TNFRSF19: variants seen among roughly 807,000 people sequenced by gnomAD.
The protein encoded by TNFRSF19 is TNF receptor superfamily member 19.
In TNFRSF19, 27 loss-of-function variants were observed where a neutral mutation model predicts 46.4. The observed-to-expected ratio is 0.58, with a 90% CI of 0.43 to 0.80. TNFRSF19 has a LOEUF of 0.80. Ranked by LOEUF, TNFRSF19 falls within the 30% of genes least tolerant of loss-of-function variation. The pLI is 0.00. For missense variants in TNFRSF19, 511 were observed against 530.8 expected (o/e 0.96, Z 0.37); for synonymous variants, 204 against 205.0 (o/e 1.00, Z 0.04).
At chr13:23,641,904 A>G (rs1566205923) in intron 5 of TNFRSF19, among the ~76,000 whole-genome samples, 1 of 152,214 alleles carries the variant, frequency 6.6e-6, no homozygotes, top group Non-Finnish European at 1.5e-5. Context: ...CCTGCTTTAA[A>G]TGTGCTCAGT....
chr13:23,587,251 A>C (rs760148980), intron 1 of TNFRSF19, among the ~76,000 whole-genome samples: 2 of 152,202 alleles, frequency 1.3e-5, no homozygotes, highest in Non-Finnish European at 2.9e-5. Flanking sequence ...TAAACGCTTA[A>C]GCTATTTCAT....
intron 7 of TNFRSF19, 105 bp downstream of exon 7, chr13:23,660,595 TGA>T (rs1161345980): frequency 2.8e-5 from 38 of 1,335,870 alleles, no homozygotes; most frequent in South Asian, 3.3e-5. Context: ...GTGGCTGTGT[TGA>T]GTCTTCTGGT....
chr13:23,656,091 A>G (rs1873428831), intron 5 of TNFRSF19, among the ~76,000 whole-genome samples: 2 of 152,206 alleles, frequency 1.3e-5, no homozygotes, highest in African/African-American at 2.4e-5. Flanking sequence ...TTGGATCAAT[A>G]AGATGCCTGT....
intron 5 of TNFRSF19, among the ~76,000 whole-genome samples, chr13:23,642,753 C>T (rs559013100): frequency 6.6e-6 from 1 of 152,330 alleles, no homozygotes; most frequent in Admixed American, 6.5e-5. Context: ...AAGCAGAGTG[C>T]TTACATTTAT....
At chr13:23,637,349 G>A (rs1198032689) in intron 5 of TNFRSF19, among the ~76,000 whole-genome samples, 1 of 152,208 alleles carries the variant, frequency 6.6e-6, no homozygotes, top group African/African-American at 2.4e-5. Context: ...TTAATTTTCA[G>A]ACAAATTATT....
chr13:23,580,472 C>T (rs961064062), intron 1 of TNFRSF19, among the ~76,000 whole-genome samples: 1 of 152,188 alleles, frequency 6.6e-6, no homozygotes, highest in African/African-American at 2.4e-5. Flanking sequence ...AACGATATTT[C>T]TTAGTGTTGT....
At chr13:23,669,937 T>C (rs1420467240) in intron 9 of TNFRSF19, among the ~76,000 whole-genome samples, 1 of 152,084 alleles carries the variant, frequency 6.6e-6, no homozygotes, top group Admixed American at 6.6e-5. Context: ...ACAGTCCAGC[T>C]CCCAGGCCCA....
intron 5 of TNFRSF19, among the ~76,000 whole-genome samples, chr13:23,657,171 C>A: frequency 6.6e-6 from 1 of 152,120 alleles, no homozygotes; most frequent in Non-Finnish European, 1.5e-5. Flanking sequence ...TCCCAGATGG[C>A]AATAAGAGAC....
chr13:23,671,919 G>A (rs1440624978), intron 9 of TNFRSF19, among the ~76,000 whole-genome samples: 1 of 152,150 alleles, frequency 6.6e-6, no homozygotes, highest in Non-Finnish European at 1.5e-5. Flanking sequence ...AAAGCACAGG[G>A]CTTCTTGTTA....
At chr13:23,581,723 A>G (rs1175949133) in intron 1 of TNFRSF19, among the ~76,000 whole-genome samples, 1 of 152,308 alleles carries the variant, frequency 6.6e-6, no homozygotes, top group East Asian at 1.9e-4. Context: ...TAACATTCAT[A>G]AAAAGAATTT....
intron 3 of TNFRSF19, among the ~76,000 whole-genome samples, chr13:23,602,989 ATAAC>A (rs1340718296): frequency 5.3e-5 from 8 of 152,200 alleles, no homozygotes; most frequent in Non-Finnish European, 7.4e-5. Flanking sequence ...AATAAAATAA[ATAAC>A]TATTAAAGCA....
chr13:23,602,322 A>T (rs559789021), intron 3 of TNFRSF19, among the ~76,000 whole-genome samples: 3 of 151,710 alleles, frequency 2.0e-5, no homozygotes, highest in African/African-American at 7.3e-5. Flanking sequence ...AAATTATAAT[A>T]ATCTTTAATG....
At chr13:23,600,589 ATGCTAGAG>A (rs1880067875) in intron 3 of TNFRSF19, among the ~76,000 whole-genome samples, 1 of 152,194 alleles carries the variant, frequency 6.6e-6, no homozygotes, top group Admixed American at 6.5e-5. Context: ...ATTTTGAAAT[ATGCTAGAG>A]TGCTCTTTTT....
At chr13:23,580,340 C>G (rs1878322643) in intron 1 of TNFRSF19, among the ~76,000 whole-genome samples, 1 of 152,146 alleles carries the variant, frequency 6.6e-6, no homozygotes, top group African/African-American at 2.4e-5. Context: ...TTAACTGAAA[C>G]AGTTTAACCC....
rs184066151 is a variant in TNFRSF19, at chr13:23,619,603, T to C, written c.359+3558T>C. Among the ~76,000 whole-genome samples, 34 of 152,362 alleles carry C rather than the reference T, an allele frequency of 2.2e-4. No individual in the cohort carries two copies. In the East Asian group the frequency reaches 5.6e-3, roughly 25 times the overall value. ...GTCTATAATCTCAGACCTGTGATGATATCTATGGATAGCATTACTCAGAGT... is the reference window on the plus strand; with the variant it reads ...GTCTATAATCTCAGACCTGTGATGACATCTATGGATAGCATTACTCAGAGT... On this transcript the variant is annotated intron_variant, in intron 4 of 9. Coordinates refer to ENST00000248484, the MANE Select transcript of TNFRSF19 (RefSeq NM_148957.4).
chr13:23,624,813 C>T (rs539697331), intron 4 of TNFRSF19, among the ~76,000 whole-genome samples: 24 of 151,350 alleles, frequency 1.6e-4, no homozygotes, highest in Admixed American at 9.9e-4. Flanking sequence ...TGCAATGGCG[C>T]GATCTTGGCT....
chr13:23,668,626 A>C (rs1951691211), intron 8 of TNFRSF19, 66 bp from the exon 9 acceptor site: 1 of 1,523,578 alleles, frequency 6.6e-7, no homozygotes, highest in African/African-American at 1.4e-5. Flanking sequence ...TACGGCTGAC[A>C]TGCTTCTTTG....
At chr13:23,585,113 C>A (rs1219867238) in intron 1 of TNFRSF19, among the ~76,000 whole-genome samples, 2 of 152,018 alleles carry the variant, frequency 1.3e-5, no homozygotes, top group Non-Finnish European at 2.9e-5. Flanking sequence ...TGTAAAACTG[C>A]CAGTTGAATA....
chr13:23,608,025 G>A (rs1279972189), intron 3 of TNFRSF19, among the ~76,000 whole-genome samples: 2 of 152,092 alleles, frequency 1.3e-5, no homozygotes, highest in Non-Finnish European at 2.9e-5. Context: ...GTCAGGGCTG[G>A]CTGGGGCTTC....
Sources: gnomAD v4.1 joint callset for allele counts (sites outside exome capture counted in the v4.1 genomes callset) on GRCh38, gnomAD v4.1.1 for gene constraint, MANE v1.5 for transcripts, NCBI Gene and HGNC (gene_info 2026-07-23, HGNC 2026-07-21) for gene names.